TRMT11: variants seen among roughly 807,000 people sequenced by gnomAD.
TRMT11 encodes tRNA methyltransferase 11.
A neutral mutation model predicts 62.8 loss-of-function variants in TRMT11; 53 were observed. That is an observed-to-expected ratio of 0.84 (90% confidence interval 0.68 to 1.06). TRMT11 has a LOEUF of 1.06. TRMT11 is among the 50% of genes least tolerant of loss of function. The pLI is 0.00. For synonymous variants in TRMT11, 188 were observed against 190.3 expected (o/e 0.99, Z 0.10); for missense variants, 556 against 553.4 (o/e 1.00, Z -0.05).
At chr6:126,175,621 C>T (rs902317641), upstream of TRMT11, among the ~76,000 whole-genome samples, 6 of 152,148 alleles carry the variant, frequency 3.9e-5, no homozygotes, top group African/African-American at 7.2e-5. Flanking sequence ...CCTAGCTTCC[C>T]GGCTGACTTC....
intron 21 of TRMT11, among the ~76,000 whole-genome samples, chr6:126,138,156 G>A (rs989351210): frequency 6.6e-6 from 1 of 151,878 alleles, no homozygotes; most frequent in Admixed American, 6.6e-5. Flanking sequence ...TTGAGTTGAT[G>A]AATAGTTCAA....
chr6:126,056,131 A>G (rs1213012000), intron 17 of TRMT11, among the ~76,000 whole-genome samples: 1 of 152,180 alleles, frequency 6.6e-6, no homozygotes, highest in Non-Finnish European at 1.5e-5. Context: ...TCTTTGTCTT[A>G]TTTCGCACTG....
chr6:126,056,019 A>G (rs760216282), intron 17 of TRMT11, among the ~76,000 whole-genome samples: 5 of 152,236 alleles, frequency 3.3e-5, no homozygotes, highest in African/African-American at 9.6e-5. Flanking sequence ...GAGAGTCCCA[A>G]TGTGAAGCCA....
At chr6:126,118,964 G>A (rs1334786784) in intron 21 of TRMT11, among the ~76,000 whole-genome samples, 1 of 152,086 alleles carries the variant, frequency 6.6e-6, no homozygotes, top group South Asian at 2.1e-4. Flanking sequence ...TAAACATTTC[G>A]TTAGCTAGGT....
chr6:126,248,512 A>G, the TRMT11 span, among the ~76,000 whole-genome samples: 1 of 152,084 alleles, frequency 6.6e-6, no homozygotes, highest in South Asian at 2.1e-4. Context: ...AGAAAAAAAA[A>G]CAAAGTCACC....
the TRMT11 span, among the ~76,000 whole-genome samples, chr6:126,240,466 G>C: frequency 6.6e-6 from 1 of 152,164 alleles, no homozygotes; most frequent in Admixed American, 6.5e-5. Context: ...GAGTTTGCTG[G>C]AGGTCCACTC....
At chr6:125,992,860 C>T (rs765505848) in intron 1 of TRMT11, among the ~76,000 whole-genome samples, 3 of 152,162 alleles carry the variant, frequency 2.0e-5, no homozygotes, top group Non-Finnish European at 4.4e-5. Flanking sequence ...GAATTCAGCC[C>T]CTTCTAACAC....
At chr6:126,095,119 C>T (rs1464707185) in intron 17 of TRMT11, among the ~76,000 whole-genome samples, 1 of 152,136 alleles carries the variant, frequency 6.6e-6, no homozygotes, top group East Asian at 1.9e-4. Flanking sequence ...TAATAGCATG[C>T]ATCTCTAGAA....
chr6:126,170,853 TA>T (rs1461989547), intron 21 of TRMT11, among the ~76,000 whole-genome samples: 3 of 152,108 alleles, frequency 2.0e-5, no homozygotes, highest in Non-Finnish European at 2.9e-5. Context: ...GGGAAAAACA[TA>T]AAGTGAAAAC....
chr6:126,218,908 G>T, the TRMT11 span, among the ~76,000 whole-genome samples: 1 of 152,156 alleles, frequency 6.6e-6, no homozygotes, highest in Non-Finnish European at 1.5e-5. Flanking sequence ...ATTTCCCTCT[G>T]GCTAGGGCTG....
intron 3 of TRMT11, among the ~76,000 whole-genome samples, chr6:126,201,790 A>G (rs1422264961): frequency 6.6e-6 from 1 of 150,670 alleles, no homozygotes; most frequent in East Asian, 1.9e-4. Context: ...TCTAATATTT[A>G]TTTTTCACCT....
At chr6:126,184,943 A>T (rs1778511045) in intron 1 of TRMT11, among the ~76,000 whole-genome samples, 2 of 152,236 alleles carry the variant, frequency 1.3e-5, no homozygotes, top group African/African-American at 4.8e-5. Flanking sequence ...AAGGAGTGAC[A>T]GACCTGGTTT....
chr6:126,255,984 A>G, the TRMT11 span, among the ~76,000 whole-genome samples: 90 of 152,258 alleles, frequency 5.9e-4, no homozygotes, highest in African/African-American at 2.0e-3. Context: ...TTGGCTGGGC[A>G]GTTCTGGCTC....
At chr6:126,134,815 A>C (rs1777832770) in intron 21 of TRMT11, among the ~76,000 whole-genome samples, 1 of 151,974 alleles carries the variant, frequency 6.6e-6, no homozygotes, top group African/African-American at 2.4e-5. Context: ...ACAATGAAAT[A>C]AAACAAGAAA....
At chr6:126,144,062 G>C (rs899631640) in intron 21 of TRMT11, among the ~76,000 whole-genome samples, 4 of 152,190 alleles carry the variant, frequency 2.6e-5, no homozygotes, top group African/African-American at 9.6e-5. Context: ...GATCTTGTTT[G>C]AATTAATAGC....
chr6:126,230,134 G>A, the TRMT11 span, among the ~76,000 whole-genome samples: 5,348 of 152,154 alleles, frequency 0.035, 331 homozygotes, highest in African/African-American at 0.12. Context: ...GGTTTTATTG[G>A]CATGAAACTT....
chr6:126,232,741 T>C, the TRMT11 span, among the ~76,000 whole-genome samples: 9 of 152,184 alleles, frequency 5.9e-5, no homozygotes, highest in African/African-American at 1.7e-4. Context: ...TAGTGGACAT[T>C]CGAAATTATC....
downstream of TRMT11, among the ~76,000 whole-genome samples, chr6:126,206,375 C>A (rs761381168): frequency 1.3e-5 from 2 of 152,058 alleles, no homozygotes; most frequent in Non-Finnish European, 2.9e-5. Flanking sequence ...TGAGGTGGGG[C>A]CACAGATTCT....
intron 21 of TRMT11, among the ~76,000 whole-genome samples, chr6:126,121,561 G>A (rs1777649675): frequency 6.6e-6 from 1 of 152,002 alleles, no homozygotes; most frequent in African/African-American, 2.4e-5. Context: ...TTGGGTTAAT[G>A]TTCTATCTTC....
Sources: allele counts gnomAD v4.1 joint callset (sites outside exome capture counted in the v4.1 genomes callset), GRCh38; gene constraint gnomAD v4.1.1; transcripts MANE v1.5; gene names NCBI Gene and HGNC (gene_info 2026-07-23, HGNC 2026-07-21).